SLC5A4: variants seen among roughly 807,000 people sequenced by gnomAD.
SLC5A4 encodes the protein solute carrier family 5 member 4.
A neutral mutation model predicts 70.3 loss-of-function variants in SLC5A4; 55 were observed. That is an observed-to-expected ratio of 0.78 (90% CI 0.63 to 0.98). SLC5A4 has a LOEUF of 0.98. Among genes scored for constraint, SLC5A4 ranks in the 50% least tolerant of loss-of-function variants. The probability of loss-of-function intolerance (pLI) is 0.00; values close to 1 mark genes in which losing one functional copy is unlikely to be tolerated. For missense variants in SLC5A4, 735 were observed against 839.2 expected (o/e 0.88, Z 1.53); for synonymous variants, 268 against 305.7 (o/e 0.88, Z 1.29).
intron 7 of SLC5A4, among the ~76,000 whole-genome samples, chr22:32,236,126 G>T (rs1027677871): frequency 6.6e-6 from 1 of 152,126 alleles, no homozygotes; most frequent in Non-Finnish European, 1.5e-5. Context: ...CAGAAGTTCT[G>T]GATAACTGAA....
chr22:32,346,119 T>C, the SLC5A4 span, among the ~76,000 whole-genome samples: 1 of 152,180 alleles, frequency 6.6e-6, no homozygotes, highest in Non-Finnish European at 1.5e-5. Flanking sequence ...AAAATTGGTA[T>C]TAATCTGAAA....
the SLC5A4 span, among the ~76,000 whole-genome samples, chr22:32,323,771 C>G: frequency 1.3e-5 from 2 of 152,330 alleles, no homozygotes; most frequent in East Asian, 3.9e-4. Flanking sequence ...CCCTGGAAAA[C>G]TTTTACAACG....
At chr22:32,299,804 T>C in the SLC5A4 span, among the ~76,000 whole-genome samples, 1 of 127,894 alleles carries the variant, frequency 7.8e-6, no homozygotes, top group East Asian at 2.1e-4. Context: ...TTTTGGTCTT[T>C]GATGATGGTG....
At chr22:32,257,164 AGT>A (rs1318372814), upstream of SLC5A4, among the ~76,000 whole-genome samples, 1 of 152,208 alleles carries the variant, frequency 6.6e-6, no homozygotes, top group Non-Finnish European at 1.5e-5. Context: ...AATCACTAGT[AGT>A]GTTGATTTTT....
At chr22:32,269,909 C>T in the SLC5A4 span, 1 of 548,318 alleles carries the variant, frequency 1.8e-6, no homozygotes. The surrounding 1 kb of genome is among the most constrained non-coding windows in gnomAD (Gnocchi z 4.1). Context: ...AAGGCGGCCA[C>T]CAGCGTCCTC....
chr22:32,228,266 G>A (rs192628880), intron 11 of SLC5A4, among the ~76,000 whole-genome samples: 2 of 152,194 alleles, frequency 1.3e-5, no homozygotes, highest in East Asian at 1.9e-4. Flanking sequence ...AGGCCAGGCC[G>A]GCGGTGGCTC....
chr22:32,297,828 T>C, the SLC5A4 span, among the ~76,000 whole-genome samples: 12,391 of 75,350 alleles, frequency 0.16, 716 homozygotes, highest in Middle Eastern at 0.2. Flanking sequence ...GCTTTGAATG[T>C]GTCCCAGAGA....
chr22:32,343,064 G>A, the SLC5A4 span: 1 of 143,398 alleles, frequency 7.0e-6, no homozygotes, highest in Non-Finnish European at 1.5e-5. Flanking sequence ...GTCTTTCTCA[G>A]CGGCCTTCTA....
chr22:32,338,151 G>A, the SLC5A4 span, among the ~76,000 whole-genome samples: 1 of 152,150 alleles, frequency 6.6e-6, no homozygotes, highest in Admixed American at 6.5e-5. Flanking sequence ...TTGATTTCAA[G>A]TCAGTTAAAA....
chr22:32,227,217 G>A (rs1925455990), intron 11 of SLC5A4, among the ~76,000 whole-genome samples: 1 of 152,084 alleles, frequency 6.6e-6, no homozygotes, highest in Non-Finnish European at 1.5e-5. Flanking sequence ...ACAGAGAGAG[G>A]GGAAAAGAAA....
intron 5 of SLC5A4, among the ~76,000 whole-genome samples, chr22:32,244,584 G>T (rs1926714903): frequency 6.6e-6 from 1 of 152,156 alleles, no homozygotes; most frequent in African/African-American, 2.4e-5. Context: ...TCACGCTGTG[G>T]TGCAATGGCA....
chr22:32,350,860 T>C, the SLC5A4 span, among the ~76,000 whole-genome samples: 65 of 152,118 alleles, frequency 4.3e-4, no homozygotes, highest in African/African-American at 1.4e-3. Flanking sequence ...TATATATTGT[T>C]TCCTTAAAGC....
chr22:32,309,246 G>A, the SLC5A4 span, among the ~76,000 whole-genome samples: 3 of 152,108 alleles, frequency 2.0e-5, no homozygotes, highest in Non-Finnish European at 4.4e-5. Flanking sequence ...CAGATGAGAG[G>A]GAAAGCATAA....
the SLC5A4 span, among the ~76,000 whole-genome samples, chr22:32,324,798 G>A: frequency 0.16 from 25,102 of 152,146 alleles, 2,171 homozygotes; most frequent in East Asian, 0.3. Context: ...CATCCTCACC[G>A]CTGCCCAGCA....
At chr22:32,317,985 C>T in the SLC5A4 span, among the ~76,000 whole-genome samples, 1 of 152,284 alleles carries the variant, frequency 6.6e-6, no homozygotes, top group African/African-American at 2.4e-5. Flanking sequence ...CAAAGACCTC[C>T]ATGTTAATAA....
the SLC5A4 span, among the ~76,000 whole-genome samples, chr22:32,347,561 T>C: frequency 1.3e-5 from 2 of 151,740 alleles, no homozygotes; most frequent in Non-Finnish European, 2.9e-5. Flanking sequence ...TGTAGGGACA[T>C]GGATGAAGCC....
the SLC5A4 span, chr22:32,271,283 C>G: frequency 1.3e-6 from 1 of 754,618 alleles, no homozygotes; most frequent in Non-Finnish European, 2.3e-6. Context: ...GAGCCCACCA[C>G]ACAGGGCGAG....
chr22:32,294,540 A>G, the SLC5A4 span, among the ~76,000 whole-genome samples: 1 of 151,898 alleles, frequency 6.6e-6, no homozygotes, highest in African/African-American at 2.4e-5. Flanking sequence ...GCTCTTTGAG[A>G]GCCACACCCA....
chr22:32,292,356 T>C, the SLC5A4 span, among the ~76,000 whole-genome samples: 52 of 145,164 alleles, frequency 3.6e-4, no homozygotes, highest in African/African-American at 1.2e-3. Flanking sequence ...AATTTTCTAA[T>C]CTGTACACAC....
Sources: allele counts gnomAD v4.1 joint callset (sites outside exome capture counted in the v4.1 genomes callset), GRCh38; gene constraint gnomAD v4.1.1; non-coding constraint Gnocchi (gnomAD v3.1); transcripts MANE v1.5; gene names NCBI Gene and HGNC (gene_info 2026-07-23, HGNC 2026-07-21).